The following HMGB1 variants were observed in gnomAD, a reference collection of about 807,000 sequenced individuals.
HMGB1 encodes the protein high mobility group box 1.
For missense variants in HMGB1, 79 were observed against 253.5 expected (o/e 0.31, Z 4.67); for synonymous variants, 81 against 84.0 (o/e 0.96, Z 0.19).
At chr13:30,614,203 C>T (rs949726877) in intron 1 of HMGB1, among the ~76,000 whole-genome samples, 5 of 152,120 alleles carry the variant, frequency 3.3e-5, no homozygotes, top group African/African-American at 4.8e-5. Flanking sequence ...ACTGAGTATC[C>T]TTTTGTACCT....
chr13:30,544,083 C>A (rs1261714384), intron 1 of HMGB1, among the ~76,000 whole-genome samples: 3 of 152,254 alleles, frequency 2.0e-5, no homozygotes, highest in Admixed American at 1.3e-4. Context: ...GCACCCACAC[C>A]TGCAGGTGAC....
chr13:30,488,160 C>T (rs1023178907), intron 1 of HMGB1, among the ~76,000 whole-genome samples: 2 of 152,118 alleles, frequency 1.3e-5, no homozygotes, highest in African/African-American at 4.8e-5. Context: ...AATCTTTGAA[C>T]CCATCCAAAT....
intron 1 of HMGB1, among the ~76,000 whole-genome samples, chr13:30,488,936 A>G (rs1405343143): frequency 1.3e-5 from 2 of 152,138 alleles, no homozygotes; most frequent in African/African-American, 2.4e-5. Flanking sequence ...ATAATGACCT[A>G]AAAGGAGGAC....
At chr13:30,583,839 A>AAAAAGAAAG (rs1555242864) in intron 1 of HMGB1, among the ~76,000 whole-genome samples, 64 of 137,672 alleles carry the variant, frequency 4.6e-4, no homozygotes, top group Middle Eastern at 3.9e-3. Context: ...AAAAAAAAAA[A>AAAAAGAAAG]AAAGAAAGAA....
intron 1 of HMGB1, among the ~76,000 whole-genome samples, chr13:30,592,356 C>G (rs1050897408): frequency 3.9e-5 from 6 of 152,012 alleles, no homozygotes; most frequent in African/African-American, 1.5e-4. Flanking sequence ...ATTATATTCT[C>G]TTTATTCTTA....
intron 1 of HMGB1, among the ~76,000 whole-genome samples, chr13:30,537,017 A>T (rs1868471191): frequency 6.6e-6 from 1 of 152,086 alleles, no homozygotes; most frequent in Non-Finnish European, 1.5e-5. Flanking sequence ...CTGTTCGTAT[A>T]TTTGTGATGT....
intron 1 of HMGB1, among the ~76,000 whole-genome samples, chr13:30,481,439 C>T (rs955555785): frequency 3.3e-5 from 5 of 152,132 alleles, no homozygotes; most frequent in African/African-American, 7.2e-5. Context: ...AACCGCTAAA[C>T]GCTAAATGAA....
At chr13:30,463,741 T>C (rs1330055834) in intron 1 of HMGB1, 47 bp from the exon 2 acceptor site, 2 of 1,253,992 alleles carry the variant, frequency 1.6e-6, no homozygotes, top group Admixed American at 4.3e-5. Flanking sequence ...AATTATGACA[T>C]ATAAGACCTT....
chr13:30,534,007 G>T (rs1888556304), intron 1 of HMGB1, among the ~76,000 whole-genome samples: 1 of 151,924 alleles, frequency 6.6e-6, no homozygotes, highest in African/African-American at 2.4e-5. Flanking sequence ...TGGGATTACA[G>T]GCATGCACCA....
chr13:30,554,258 T>C, intron 1 of HMGB1: 2 of 1,412,698 alleles, frequency 1.4e-6, no homozygotes, highest in Non-Finnish European at 2.0e-6. Flanking sequence ...CAATTTCTTG[T>C]TGAAAGTGAG....
intron 1 of HMGB1, among the ~76,000 whole-genome samples, chr13:30,589,410 G>T (rs1871286756): frequency 6.6e-6 from 1 of 152,210 alleles, no homozygotes; most frequent in East Asian, 1.9e-4. Context: ...AATGAGACCT[G>T]CTTGACTCCT....
intron 1 of HMGB1, among the ~76,000 whole-genome samples, chr13:30,578,976 C>T (rs1870784430): frequency 6.6e-6 from 1 of 152,184 alleles, no homozygotes; most frequent in Non-Finnish European, 1.5e-5. Flanking sequence ...GCTCCTGTTT[C>T]CACAGCACAT....
chr13:30,578,368 C>CTTTTTTTTTTTTT (rs60947686), intron 1 of HMGB1, among the ~76,000 whole-genome samples: 11 of 59,326 alleles, frequency 1.9e-4, no homozygotes, highest in African/African-American at 3.3e-4. Flanking sequence ...AGTTCTTGTT[C>CTTTTTTTTTTTTT]TTTTTTTTTT....
chr13:30,467,571 G>T (rs547213251), upstream of HMGB1, among the ~76,000 whole-genome samples: 2 of 152,260 alleles, frequency 1.3e-5, no homozygotes, highest in African/African-American at 4.8e-5. Flanking sequence ...AGTGTTTAAA[G>T]ATAATATATC....
intron 1 of HMGB1, among the ~76,000 whole-genome samples, chr13:30,557,288 A>T (rs925727867): frequency 6.6e-6 from 1 of 152,170 alleles, no homozygotes; most frequent in African/African-American, 2.4e-5. Flanking sequence ...GGAAGTTCTA[A>T]CTGAAATAAG....
chr13:30,562,392 A>G (rs1232135355), intron 1 of HMGB1, among the ~76,000 whole-genome samples: 1 of 152,058 alleles, frequency 6.6e-6, no homozygotes, highest in Non-Finnish European at 1.5e-5. Flanking sequence ...ATAAAATTAT[A>G]TAGAACCACT....
intron 1 of HMGB1, among the ~76,000 whole-genome samples, chr13:30,587,063 T>C (rs904024251): frequency 6.6e-6 from 1 of 152,208 alleles, no homozygotes; most frequent in African/African-American, 2.4e-5. Flanking sequence ...TATTATTTTT[T>C]AAACAGGGAC....
At chr13:30,462,751 A>T in intron 3 of HMGB1, 39 bp from the exon 4 acceptor site, 1 of 1,547,264 alleles carries the variant, frequency 6.5e-7, no homozygotes. Flanking sequence ...AAGTTAACAG[A>T]TCACAAAAAC....
At chr13:30,540,473 C>T (rs1213903026) in intron 1 of HMGB1, 1 of 154,420 alleles carries the variant, frequency 6.5e-6, no homozygotes, top group Non-Finnish European at 1.5e-5. Context: ...TGGCACATTA[C>T]TTTCAAAAGA....
Sources: allele counts gnomAD v4.1 joint callset (sites outside exome capture counted in the v4.1 genomes callset), GRCh38; gene constraint gnomAD v4.1.1; transcripts MANE v1.5; gene names NCBI Gene and HGNC (gene_info 2026-07-23, HGNC 2026-07-21).